The following PTPRT variants were observed in gnomAD, a reference collection of about 807,000 sequenced individuals.
PTPRT encodes the protein receptor-type tyrosine-protein phosphatase T.
Under a neutral mutation model 176.8 loss-of-function variants are expected in PTPRT, and 56 were observed. That is an observed-to-expected ratio of 0.32 (90% CI 0.26 to 0.40). PTPRT has a LOEUF of 0.40. Among genes scored for constraint, PTPRT ranks in the 10% least tolerant of loss-of-function variants. The pLI, the probability that PTPRT is intolerant of heterozygous loss-of-function variation, is 1.00. For synonymous variants in PTPRT, 783 were observed against 739.0 expected (o/e 1.06, Z -0.96); for missense variants, 1,540 against 1,908.2 (o/e 0.81, Z 3.60).
chr20:42,286,925 G>C (rs1340402408), intron 12 of PTPRT, among the ~76,000 whole-genome samples: 1 of 151,610 alleles, frequency 6.6e-6, no homozygotes, highest in Non-Finnish European at 1.5e-5. Flanking sequence ...TAAAAAAATG[G>C]GCAAATGATC....
Position 42,434,232 on chromosome 20 carries a change from CTAAAT to C in PTPRT, c.1560+13983_1560+13987del, listed in dbSNP as rs571889357. On this transcript the variant is annotated intron_variant, in intron 9 of 30. Transcript: ENST00000373187. ...TATTGTCACTAACATTTAATGAAAA[CTAAAT>C]TATTTTAAAAATCAAGCCATCATAG... Among the ~76,000 whole-genome samples, 157 of 152,208 alleles carry C rather than the reference CTAAAT, an allele frequency of 1.0e-3. 1 individual carries two copies. Among genetic ancestry groups the C allele is most frequent in the African/African-American group, 3.6e-3 (151 of 41,530 alleles).
intron 3 of PTPRT, among the ~76,000 whole-genome samples, chr20:42,783,797 G>A (rs1394996656): frequency 6.6e-6 from 1 of 152,162 alleles, no homozygotes; most frequent in East Asian, 1.9e-4. Flanking sequence ...GAGAGCCAGG[G>A]GAGTGAGTAG....
chr20:42,188,097 C>A (rs1030359265), intron 16 of PTPRT, among the ~76,000 whole-genome samples: 2 of 152,222 alleles, frequency 1.3e-5, no homozygotes, highest in African/African-American at 2.4e-5. Flanking sequence ...CTCAATAACA[C>A]CTCAAATCGA....
chr20:42,282,366 G>T, intron 13 of PTPRT, 123 bp downstream of exon 13: 1 of 975,270 alleles, frequency 1.0e-6, no homozygotes, highest in Non-Finnish European at 1.5e-6. Flanking sequence ...AAATGACTCC[G>T]GTGAAAATAA....
chr20:42,270,575 C>G, intron 13 of PTPRT: 1 of 731,922 alleles, frequency 1.4e-6, no homozygotes, highest in Non-Finnish European at 2.3e-6. Flanking sequence ...AGAGCTCACA[C>G]TAAATAGCAA....
Position 43,056,536 on chromosome 20 carries a change from G to T in PTPRT, c.88+133110C>A, listed in dbSNP as rs181175686. 5.9e-5 allele frequency among the ~76,000 whole-genome samples: 9 copies of T among 152,278 alleles called. No individual in the cohort carries two copies. In the East Asian group the frequency reaches 1.7e-3, roughly 29 times the overall value. ...AGGGAACAAAGTCTTTTAAGATGAG[G>T]CATACACACACGGTCTGTTGCTGAA... On this transcript the variant is annotated intron_variant, in intron 1 of 30. Coordinates refer to ENST00000373187, the MANE Select transcript of PTPRT (RefSeq NM_007050.6).
intron 7 of PTPRT, among the ~76,000 whole-genome samples, chr20:42,546,102 G>A (rs1230003344): frequency 6.6e-6 from 1 of 151,968 alleles, no homozygotes; most frequent in South Asian, 2.1e-4. Flanking sequence ...TTTTCTTCAA[G>A]AACTTTCCAT....
At chr20:42,359,755 C>A (rs1389580990) in intron 9 of PTPRT, among the ~76,000 whole-genome samples, 1 of 152,254 alleles carries the variant, frequency 6.6e-6, no homozygotes, top group Non-Finnish European at 1.5e-5. Flanking sequence ...GGGTCAGAGG[C>A]TCAGCCTGCA....
chr20:42,041,286 G>C, the PTPRT span, among the ~76,000 whole-genome samples: 1 of 152,148 alleles, frequency 6.6e-6, no homozygotes, highest in Non-Finnish European at 1.5e-5. Flanking sequence ...AATCTCTAAA[G>C]ATTGATTGAT....
chr20:42,934,045 A>G (rs1980026713), intron 1 of PTPRT, among the ~76,000 whole-genome samples: 1 of 152,256 alleles, frequency 6.6e-6, no homozygotes, highest in Non-Finnish European at 1.5e-5. Flanking sequence ...TATAAATACC[A>G]GATGGCCTTC....
At chr20:42,095,987 C>G (rs1475566224) in intron 27 of PTPRT, among the ~76,000 whole-genome samples, 1 of 152,160 alleles carries the variant, frequency 6.6e-6, no homozygotes. Context: ...AGTTATATCC[C>G]CAGTTGCCTA....
intron 9 of PTPRT, among the ~76,000 whole-genome samples, chr20:42,408,929 G>A (rs906564037): frequency 2.0e-5 from 3 of 152,202 alleles, no homozygotes; most frequent in African/African-American, 7.2e-5. Flanking sequence ...TGAAGGGGAA[G>A]ATAGCTCCCC....
intron 1 of PTPRT, among the ~76,000 whole-genome samples, chr20:43,029,505 A>G (rs1240734128): frequency 1.3e-5 from 2 of 152,218 alleles, no homozygotes; most frequent in African/African-American, 4.8e-5. Context: ...GCATCCTGCA[A>G]ACTGGCTCCA....
intron 6 of PTPRT, among the ~76,000 whole-genome samples, chr20:42,740,533 G>A (rs935284713): frequency 1.3e-5 from 2 of 152,214 alleles, no homozygotes; most frequent in African/African-American, 4.8e-5. Context: ...AGGACTATAC[G>A]CAGTGATGTC....
intron 11 of PTPRT, among the ~76,000 whole-genome samples, chr20:42,331,003 AG>A (rs1263341157): frequency 6.6e-6 from 1 of 152,220 alleles, no homozygotes; most frequent in Non-Finnish European, 1.5e-5. Flanking sequence ...AGAACACATT[AG>A]GGGACTGGAA....
chr20:42,409,902 T>C (rs2058997256), intron 9 of PTPRT, among the ~76,000 whole-genome samples: 1 of 152,138 alleles, frequency 6.6e-6, no homozygotes, highest in Non-Finnish European at 1.5e-5. Flanking sequence ...AGTCTCTGAG[T>C]ACAACTCAGT....
intron 1 of PTPRT, among the ~76,000 whole-genome samples, chr20:42,976,107 T>C (rs1354959404): frequency 6.6e-6 from 1 of 152,174 alleles, no homozygotes; most frequent in Non-Finnish European, 1.5e-5. Flanking sequence ...CAAATCAGTC[T>C]CCTGTCAACA....
At chr20:42,729,438 C>T (rs1057434158) in intron 6 of PTPRT, among the ~76,000 whole-genome samples, 11 of 152,170 alleles carry the variant, frequency 7.2e-5, no homozygotes, top group African/African-American at 2.7e-4. Context: ...CCCGTGGAGT[C>T]CTGCTGTGTG....
At chr20:42,722,589 A>G (rs1051076924) in intron 6 of PTPRT, among the ~76,000 whole-genome samples, 6 of 152,132 alleles carry the variant, frequency 3.9e-5, no homozygotes, top group Non-Finnish European at 5.9e-5. Context: ...AGAGTCTCAG[A>G]GTGCTCTGGG....
Sources: allele counts gnomAD v4.1 joint callset (sites outside exome capture counted in the v4.1 genomes callset), GRCh38; gene constraint gnomAD v4.1.1; transcripts MANE v1.5; gene names NCBI Gene and HGNC (gene_info 2026-07-23, HGNC 2026-07-21).